ZNF292: variants seen among roughly 807,000 people sequenced by gnomAD.
The protein encoded by ZNF292 is zinc finger protein 292.
ZNF292 carries 26 observed loss-of-function variants against 217.9 expected under a neutral mutation model. That is an observed-to-expected ratio of 0.12 (90% confidence interval 0.09 to 0.17). The LOEUF (loss-of-function observed/expected upper bound fraction) is 0.17, where lower values mean the gene tolerates loss of function less well. Ranked by LOEUF, ZNF292 falls within the 10% of genes least tolerant of loss-of-function variation. The pLI is 1.00. For synonymous variants in ZNF292, 1,257 were observed against 1,124.1 expected (o/e 1.12, Z -2.37); for missense variants, 2,904 against 3,175.2 (o/e 0.91, Z 2.05).
chr6:87,243,665 T>C (rs73754150), intron 6 of ZNF292, 54 bp downstream of exon 6: 3 of 1,385,768 alleles, frequency 2.2e-6, no homozygotes, highest in African/African-American at 1.5e-5. Flanking sequence ...GAATGCAAAA[T>C]AGGCTGTGAG....
rs1309919976 is a variant in ZNF292 at position 87,261,307 on chromosome 6, A to G, written c.7678A>G (p.Ser2560Gly). Residue 2560 changes from serine (S) to glycine (G), a missense_variant, in exon 8 of 8, where the codon AGC becomes GGC. This residue lies in a region of ZNF292 where 380 missense variants were observed against 355.3 expected (regional missense o/e 1.07). Coordinates refer to ENST00000369577, the MANE Select transcript of ZNF292 (RefSeq NM_015021.3). ...AEPASAAELS[S>G]VRKEEETAVA... is the part of the protein sequence containing the mutation. ...ACCAGCATCAGCAGCTGAGTTAAGT[A>G]GCGTGCGTAAAGAAGAAGAAACTGC... is the stretch of plus-strand genomic sequence containing the variant. 1 of 1,613,482 alleles carries G rather than the reference A, an allele frequency of 6.2e-7. No homozygotes were observed. The highest frequency in any genetic ancestry group is 1.1e-5 in the South Asian group (1 of 91,064).
rs1224916974 is a variant in ZNF292 at position 87,257,863 on chromosome 6, C to T, written c.4234C>T (p.Leu1412Phe). The T allele has an allele frequency of 8.7e-6, 14 of 1,613,768 alleles. No individual in the cohort carries two copies. Among genetic ancestry groups the T allele is most frequent in the Non-Finnish European group, 1.2e-5 (14 of 1,179,822 alleles). Residue 1412 changes from leucine to phenylalanine, a missense_variant, in exon 8 of 8, where the codon CTT (leucine) becomes TTT (phenylalanine). Transcript: ENST00000369577. ...PLDGAEIAQE[L>F]LQSNGQPSLL... is the part of the protein sequence containing the mutation. ...GGATGGAGCCGAAATTGCTCAAGAA[C>T]TTCTACAGAGTAATGGACAGCCTTC...
At chr6:87,156,582 C>T (rs145839047) in intron 1 of ZNF292, among the ~76,000 whole-genome samples, 1 of 152,316 alleles carries the variant, frequency 6.6e-6, no homozygotes, top group African/African-American at 2.4e-5. Context: ...TCCCGATCAC[C>T]CCCTCACCCC....
At chr6:87,176,701 T>G (rs981197563) in intron 1 of ZNF292, among the ~76,000 whole-genome samples, 1 of 152,172 alleles carries the variant, frequency 6.6e-6, no homozygotes, top group Non-Finnish European at 1.5e-5. Context: ...GACTTTCTCC[T>G]CAGAAAGTGG....
At chr6:87,160,267 A>C (rs890787420) in intron 1 of ZNF292, among the ~76,000 whole-genome samples, 8 of 152,216 alleles carry the variant, frequency 5.3e-5, no homozygotes, top group Non-Finnish European at 1.2e-4. Context: ...TGTTCTAAAG[A>C]GATTTTAAAA....
intron 1 of ZNF292, among the ~76,000 whole-genome samples, chr6:87,168,830 C>T (rs1036955861): frequency 3.9e-5 from 6 of 151,970 alleles, no homozygotes; most frequent in South Asian, 2.1e-4. Flanking sequence ...GATCATCCCT[C>T]GGTATTCGTA....
At chr6:87,193,317 G>C (rs1186707195) in intron 1 of ZNF292, among the ~76,000 whole-genome samples, 1 of 152,164 alleles carries the variant, frequency 6.6e-6, no homozygotes, top group Non-Finnish European at 1.5e-5. Flanking sequence ...GGCGGAGGCA[G>C]ACAGATCGCT....
chr6:87,198,700 T>A (rs755332678), intron 1 of ZNF292, among the ~76,000 whole-genome samples: 2 of 152,210 alleles, frequency 1.3e-5, no homozygotes, highest in Admixed American at 1.3e-4. Flanking sequence ...GAATCAGAAT[T>A]CAGAAATGTT....
At chr6:87,174,688 C>T (rs1184474402) in intron 1 of ZNF292, among the ~76,000 whole-genome samples, 3 of 152,102 alleles carry the variant, frequency 2.0e-5, no homozygotes, top group Non-Finnish European at 2.9e-5. Context: ...TAAAGACTTA[C>T]GCTGCTTATT....
intron 4 of ZNF292, chr6:87,222,895 G>GT (rs941675032): frequency 6.7e-6 from 3 of 446,976 alleles, no homozygotes; most frequent in Non-Finnish European, 1.3e-5. Context: ...TACTGGTCAG[G>GT]TATTTTGTAG....
intron 5 of ZNF292, among the ~76,000 whole-genome samples, chr6:87,243,031 T>C (rs2127839603): frequency 6.6e-6 from 1 of 152,188 alleles, no homozygotes; most frequent in South Asian, 2.1e-4. Flanking sequence ...TATTAGTCTA[T>C]ACCCAGTGTA....
chr6:87,263,547 C>T lies in ZNF292; in HGVS notation c.*1746C>T, dbSNP rs1344494675. ...TTATTAAAGTATTTTATTTTTAGGG[C>T]CTTTTGGGTTTTATTGAATAGTTCA... On this transcript the variant is annotated 3_prime_UTR_variant, in exon 8 of 8. Coordinates refer to ENST00000369577, the MANE Select transcript of ZNF292 (RefSeq NM_015021.3). 1 of 151,388 alleles carries T rather than the reference C, an allele frequency of 6.6e-6. No individual in the cohort carries two copies. Among genetic ancestry groups the T allele is most frequent in the African/African-American group, 2.4e-5 (1 of 41,252 alleles). 9.4% of individuals were successfully genotyped at this position (151,388 alleles called of 1,614,324 possible).
chr6:87,257,673 G>T lies in ZNF292; in HGVS notation c.4044G>T (p.Gly1348=), dbSNP rs939226786. ...SAPEKVKKDR[G]RGPNGKERKP... is the part of the protein sequence containing the mutation. ...CTGAAAAAGTTAAAAAAGACCGTGG[G>T]CGGGGCCCAAATGGGAAGGAAAGAA... The change falls in exon 8 of 8, where the codon GGG becomes GGT. Residue 1348 remains glycine (G), a synonymous_variant. Transcript: ENST00000369577. The T allele has an allele frequency of 1.2e-6, 2 of 1,611,548 alleles. No individual in the cohort carries two copies. The highest frequency in any genetic ancestry group is 1.7e-6 in the Non-Finnish European group (2 of 1,178,776).
chr6:87,221,194 T>C (rs992792223), intron 4 of ZNF292, among the ~76,000 whole-genome samples: 4 of 152,176 alleles, frequency 2.6e-5, no homozygotes, highest in Admixed American at 6.5e-5. Flanking sequence ...AAGATACTGG[T>C]TTCACTTCAA....
intron 1 of ZNF292, among the ~76,000 whole-genome samples, chr6:87,189,198 C>T (rs1771751781): frequency 6.6e-6 from 1 of 151,592 alleles, no homozygotes; most frequent in African/African-American, 2.4e-5. Context: ...GAGTGAAACT[C>T]CAACTCAGAA....
chr6:87,247,251 A>C (rs1429941823), intron 7 of ZNF292, among the ~76,000 whole-genome samples: 1 of 143,562 alleles, frequency 7.0e-6, no homozygotes, highest in African/African-American at 2.7e-5. Flanking sequence ...CCCCCTCACC[A>C]CCGCCCCCTG....
Position 87,265,824 on chromosome 6 carries a change from G to C in ZNF292, c.*4023G>C, listed in dbSNP as rs1775786083. On this transcript the variant is annotated 3_prime_UTR_variant, in exon 8 of 8. Transcript: ENST00000369577. ...ATCAATTTATATATCCCAATGGGTT[G>C]ATTCCTTTGCTGTATTGGTTGTTAA... Among the ~76,000 whole-genome samples, 1 of 152,186 alleles carries C rather than the reference G, an allele frequency of 6.6e-6. No individual in the cohort carries two copies. Among genetic ancestry groups the C allele is most frequent in the Non-Finnish European group, 1.5e-5 (1 of 68,030 alleles).
intron 1 of ZNF292, among the ~76,000 whole-genome samples, chr6:87,161,485 C>G (rs899011373): frequency 1.3e-5 from 2 of 152,216 alleles, no homozygotes; most frequent in African/African-American, 4.8e-5. Flanking sequence ...TGCAGTGACA[C>G]AGTCACGGCT....
chr6:87,189,806 T>C (rs1196642337), intron 1 of ZNF292, among the ~76,000 whole-genome samples: 3 of 152,188 alleles, frequency 2.0e-5, no homozygotes, highest in Non-Finnish European at 2.9e-5. Flanking sequence ...TTCCATACTG[T>C]ACTCGGAAGG....
Sources: allele counts gnomAD v4.1 joint callset (sites outside exome capture counted in the v4.1 genomes callset), GRCh38; gene constraint gnomAD v4.1.1; regional missense constraint gnomAD v4.1.1; transcripts MANE v1.5; gene names NCBI Gene and HGNC (gene_info 2026-07-23, HGNC 2026-07-21).